Variants in PPP2R3A observed in about 807,000 individuals in gnomAD.
The protein encoded by PPP2R3A is protein phosphatase 2 regulatory subunit B''alpha.
PPP2R3A carries 80 observed loss-of-function variants against 106.9 expected under a neutral mutation model. The observed-to-expected ratio is 0.75, with a 90% CI of 0.62 to 0.90. The LOEUF (loss-of-function observed/expected upper bound fraction) is 0.90, where lower values mean the gene tolerates loss of function less well. Among genes scored for constraint, PPP2R3A ranks in the 40% least tolerant of loss-of-function variants. The probability of loss-of-function intolerance (pLI) is 0.00; values close to 1 mark genes in which losing one functional copy is unlikely to be tolerated. For missense variants in PPP2R3A, 1,386 were observed against 1,350.4 expected (o/e 1.03, Z -0.41); for synonymous variants, 483 against 468.3 (o/e 1.03, Z -0.41).
chr3:136,049,674 G>A (rs1296954566), intron 5 of PPP2R3A, among the ~76,000 whole-genome samples: 1 of 152,130 alleles, frequency 6.6e-6, no homozygotes, highest in Non-Finnish European at 1.5e-5. Flanking sequence ...AATCACTGAA[G>A]CACCTTCTGA....
intron 13 of PPP2R3A, among the ~76,000 whole-genome samples, chr3:136,131,677 G>T (rs1938423156): frequency 6.6e-6 from 1 of 152,144 alleles, no homozygotes; most frequent in Non-Finnish European, 1.5e-5. Context: ...ATACCCAAAG[G>T]ATTATACATC....
intron 8 of PPP2R3A, among the ~76,000 whole-genome samples, chr3:136,086,827 C>T (rs929464358): frequency 2.6e-5 from 4 of 152,112 alleles, no homozygotes; most frequent in African/African-American, 9.7e-5. Flanking sequence ...CAGAAGAATT[C>T]GATGCTGATA....
chr3:136,016,773 T>G (rs1934282896), intron 2 of PPP2R3A, among the ~76,000 whole-genome samples: 2 of 152,166 alleles, frequency 1.3e-5, no homozygotes, highest in Non-Finnish European at 2.9e-5. Flanking sequence ...ATTCTACCAT[T>G]CTGCATCTTT....
chr3:136,061,708 CAGG>C (rs1444313119), intron 5 of PPP2R3A, among the ~76,000 whole-genome samples: 1 of 151,986 alleles, frequency 6.6e-6, no homozygotes, highest in Non-Finnish European at 1.5e-5. Flanking sequence ...CTCACGAGGT[CAGG>C]AGATCGAGAC....
At chr3:135,975,214 T>C (rs968017960) in intron 1 of PPP2R3A, among the ~76,000 whole-genome samples, 2 of 152,148 alleles carry the variant, frequency 1.3e-5, no homozygotes, top group African/African-American at 4.8e-5. Flanking sequence ...TTAAAGGCAA[T>C]TGAGGGTTCT....
intron 7 of PPP2R3A, among the ~76,000 whole-genome samples, chr3:136,081,359 G>A (rs560852917): frequency 1.2e-4 from 18 of 152,048 alleles, no homozygotes; most frequent in Middle Eastern, 6.8e-3. Context: ...ACATTTAACC[G>A]TGTATGTTTG....
At chr3:136,123,551 T>G (rs1938076289) in intron 13 of PPP2R3A, among the ~76,000 whole-genome samples, 1 of 152,180 alleles carries the variant, frequency 6.6e-6, no homozygotes, top group Non-Finnish European at 1.5e-5. Context: ...CTGGGTTGCA[T>G]CATATGACCA....
chr3:135,999,688 C>A (rs963374926), intron 1 of PPP2R3A, among the ~76,000 whole-genome samples: 1 of 152,096 alleles, frequency 6.6e-6, no homozygotes, highest in Non-Finnish European at 1.5e-5. Context: ...GTGATTCGTT[C>A]TTTTAAGTCT....
intron 5 of PPP2R3A, among the ~76,000 whole-genome samples, chr3:136,058,650 A>G (rs1486414594): frequency 1.3e-5 from 2 of 152,240 alleles, no homozygotes; most frequent in Admixed American, 1.3e-4. Context: ...AATAGGAAAT[A>G]GACTACTTTA....
chr3:136,123,722 G>C (rs2108004628), intron 13 of PPP2R3A, among the ~76,000 whole-genome samples: 1 of 152,208 alleles, frequency 6.6e-6, no homozygotes, highest in Non-Finnish European at 1.5e-5. Context: ...AAATGTATGT[G>C]TATCAAACAA....
At chr3:136,018,805 C>T (rs1329948288) in intron 2 of PPP2R3A, among the ~76,000 whole-genome samples, 1 of 152,180 alleles carries the variant, frequency 6.6e-6, no homozygotes, top group African/African-American at 2.4e-5. Flanking sequence ...TTCCATATAA[C>T]TCTGCCAGAG....
chr3:136,035,718 T>C (rs903756532), intron 3 of PPP2R3A, among the ~76,000 whole-genome samples: 1 of 152,212 alleles, frequency 6.6e-6, no homozygotes, highest in Non-Finnish European at 1.5e-5. Flanking sequence ...GTGATCTTTG[T>C]GTGATGAATT....
rs888177536 is a variant in PPP2R3A, at chr3:136,082,647, G to A, written c.2788+226G>A. On this transcript the variant is annotated intron_variant, in intron 8 of 13. Transcript: ENST00000264977. ...GTTTGGAAGTAAGTAACCAATCACA[G>A]TCTTAGTTTTGATAAAGCGATGAGT... Among the ~76,000 whole-genome samples, 8 of 152,280 alleles carry A rather than the reference G, an allele frequency of 5.3e-5. No homozygotes were observed. The East Asian group carries it at 1.3e-3, about 26-fold the overall frequency.
rs1559943229 is a variant in PPP2R3A at position 136,140,453 on chromosome 3, A to AAAAAAAAAAC, written c.3330-4581_3330-4580insCAAAAAAAAA. On this transcript the variant is annotated intron_variant, in intron 13 of 13. Transcript: ENST00000264977. The stretch of plus-strand genomic sequence containing the variant: ...AGAGTGAGACTCTTTAAAAAAAAAA[A>AAAAAAAAAAC]AAAAAAAAAAACCCGGGCTCAGTGG... Among the ~76,000 whole-genome samples, 106 of 149,862 alleles carry AAAAAAAAAAC rather than the reference A, an allele frequency of 7.1e-4. 1 individual carries two copies. The highest frequency in any genetic ancestry group is 2.6e-3 in the African/African-American group (103 of 39,880).
intron 2 of PPP2R3A, among the ~76,000 whole-genome samples, chr3:136,024,141 A>T (rs1199711402): frequency 2.0e-5 from 3 of 152,098 alleles, no homozygotes; most frequent in Non-Finnish European, 4.4e-5. Context: ...TGGAGAATTG[A>T]AGTATTTTAC....
At chr3:136,059,193 AACAG>A (rs1214675592) in intron 5 of PPP2R3A, among the ~76,000 whole-genome samples, 2 of 152,242 alleles carry the variant, frequency 1.3e-5, no homozygotes, top group Non-Finnish European at 2.9e-5. Context: ...CAACAGACTA[AACAG>A]ACAGCCTACA....
At chr3:136,086,132 GA>G (rs879621047) in intron 8 of PPP2R3A, among the ~76,000 whole-genome samples, 40 of 137,404 alleles carry the variant, frequency 2.9e-4, no homozygotes, top group Admixed American at 6.5e-4. Flanking sequence ...CTGTCTCAAA[GA>G]AAAAAAAAAA....
intron 1 of PPP2R3A, among the ~76,000 whole-genome samples, chr3:135,985,849 A>T (rs1932898122): frequency 1.3e-5 from 2 of 152,234 alleles, no homozygotes; most frequent in Non-Finnish European, 2.9e-5. Context: ...GGATGCTAAA[A>T]TCAGTAAGAC....
At chr3:136,097,311 T>C (rs1320234942) in intron 10 of PPP2R3A, among the ~76,000 whole-genome samples, 1 of 152,232 alleles carries the variant, frequency 6.6e-6, no homozygotes, top group East Asian at 1.9e-4. Flanking sequence ...CCCCTGCTGC[T>C]AAACTTTTCA....
Sources: gnomAD v4.1 joint callset for allele counts (sites outside exome capture counted in the v4.1 genomes callset) on GRCh38, gnomAD v4.1.1 for gene constraint, MANE v1.5 for transcripts, NCBI Gene and HGNC (gene_info 2026-07-23, HGNC 2026-07-21) for gene names.